The following PTPRD variants were observed in gnomAD, a reference collection of about 807,000 sequenced individuals.
PTPRD encodes protein tyrosine phosphatase receptor type D.
A neutral mutation model predicts 214.5 loss-of-function variants in PTPRD; 34 were observed. The observed-to-expected ratio is 0.16, with a 90% CI of 0.12 to 0.21. The LOEUF is 0.21. Among genes scored for constraint, PTPRD ranks in the 10% least tolerant of loss-of-function variants. The probability of loss-of-function intolerance (pLI) is 1.00; values close to 1 mark genes in which losing one functional copy is unlikely to be tolerated. For missense variants in PTPRD, 2,545 were observed against 2,398.7 expected (o/e 1.06, Z -1.27); for synonymous variants, 1,128 against 845.7 (o/e 1.33, Z -5.79).
intron 8 of PTPRD, among the ~76,000 whole-genome samples, chr9:9,569,730 T>G (rs1166359289): frequency 2.0e-5 from 3 of 151,634 alleles, no homozygotes; most frequent in African/African-American, 7.2e-5. Flanking sequence ...AATTACTTGT[T>G]CCTGACATGT....
chr9:9,947,346 A>ATATATAATATATATTATATATATTAT (rs1263631395), intron 4 of PTPRD, among the ~76,000 whole-genome samples: 1 of 43,684 alleles, frequency 2.3e-5, no homozygotes, highest in African/African-American at 1.2e-4. Context: ...TTATATATAT[A>ATATATAATATATATTATATATATTAT]ATATATATTA....
At chr9:10,222,205 C>T (rs1481809861) in intron 3 of PTPRD, among the ~76,000 whole-genome samples, 2 of 152,010 alleles carry the variant, frequency 1.3e-5, no homozygotes, top group East Asian at 3.9e-4. Context: ...TTCCTCTCAT[C>T]TGTGACAACT....
chr9:9,408,367 A>AT (rs2074266892), intron 8 of PTPRD, among the ~76,000 whole-genome samples: 1 of 151,778 alleles, frequency 6.6e-6, no homozygotes, highest in Non-Finnish European at 1.5e-5. Flanking sequence ...CACGACAAGC[A>AT]TTTTTTCCCA....
chr9:8,533,592 G>C (rs1160438753), intron 14 of PTPRD, among the ~76,000 whole-genome samples: 1 of 151,956 alleles, frequency 6.6e-6, no homozygotes, highest in Non-Finnish European at 1.5e-5. Flanking sequence ...CTGTTATCAT[G>C]AAGCATTCAT....
chr9:10,584,377 C>A (rs535376279), intron 2 of PTPRD, among the ~76,000 whole-genome samples: 3 of 152,168 alleles, frequency 2.0e-5, no homozygotes, highest in South Asian at 4.2e-4. Context: ...CTGACAATGG[C>A]ATGAAGTTAT....
At chr9:10,195,154 T>C in intron 3 of PTPRD, among the ~76,000 whole-genome samples, 1 of 149,916 alleles carries the variant, frequency 6.7e-6, no homozygotes, top group Non-Finnish European at 1.5e-5. Context: ...TTCACTATGT[T>C]GGCCAGGCTG....
At chr9:10,308,650 A>T (rs1460178245) in intron 3 of PTPRD, among the ~76,000 whole-genome samples, 1 of 151,896 alleles carries the variant, frequency 6.6e-6, no homozygotes, top group Non-Finnish European at 1.5e-5. Flanking sequence ...TTATTTTGGG[A>T]GGTATAGTCA....
At chr9:10,353,561 A>G (rs370110530) in intron 2 of PTPRD, among the ~76,000 whole-genome samples, 1 of 151,932 alleles carries the variant, frequency 6.6e-6, no homozygotes, top group African/African-American at 2.4e-5. Context: ...TATAGAGAGG[A>G]TGAGTAAAAA....
At chr9:9,890,245 T>A (rs982903452) in intron 5 of PTPRD, among the ~76,000 whole-genome samples, 42 of 151,992 alleles carry the variant, frequency 2.8e-4, no homozygotes, top group African/African-American at 1.0e-3. Flanking sequence ...TGGCCCAGGG[T>A]AGAGTGCAGT....
chr9:9,669,692 A>G (rs2096790156), intron 7 of PTPRD, among the ~76,000 whole-genome samples: 1 of 152,202 alleles, frequency 6.6e-6, no homozygotes. Context: ...AAATTTTCAT[A>G]TAATCTGGCC....
intron 4 of PTPRD, among the ~76,000 whole-genome samples, chr9:9,970,930 A>T (rs1299731611): frequency 6.6e-6 from 1 of 152,206 alleles, no homozygotes; most frequent in Non-Finnish European, 1.5e-5. Flanking sequence ...ATTGTTCTAA[A>T]TTTTAAATTT....
intron 12 of PTPRD, among the ~76,000 whole-genome samples, chr9:8,674,359 G>A (rs1317586213): frequency 1.3e-5 from 2 of 149,126 alleles, no homozygotes; most frequent in African/African-American, 4.9e-5. Flanking sequence ...TCAGGAGACT[G>A]AGGCAGGAGA....
At chr9:10,233,370 T>C (rs111563088) in intron 3 of PTPRD, among the ~76,000 whole-genome samples, 106 of 152,134 alleles carry the variant, frequency 7.0e-4, no homozygotes, top group African/African-American at 2.0e-3. Context: ...GACAGCATTA[T>C]GGAAGCCTGA....
intron 5 of PTPRD, among the ~76,000 whole-genome samples, chr9:9,785,792 C>T (rs2098918724): frequency 6.6e-6 from 1 of 152,030 alleles, no homozygotes; most frequent in African/African-American, 2.4e-5. Context: ...TTTACAATGG[C>T]TATGTCAGTT....
intron 8 of PTPRD, among the ~76,000 whole-genome samples, chr9:9,563,991 G>C (rs1307781343): frequency 6.6e-6 from 1 of 152,066 alleles, no homozygotes; most frequent in Non-Finnish European, 1.5e-5. Flanking sequence ...TGTTGGCCTA[G>C]GTTCAACTGA....
intron 11 of PTPRD, among the ~76,000 whole-genome samples, chr9:8,756,539 A>G (rs1262104767): frequency 6.6e-6 from 1 of 152,142 alleles, no homozygotes; most frequent in Admixed American, 6.6e-5. Flanking sequence ...AGTTGGCTAC[A>G]GTGTTTACTT....
chr9:9,698,954 G>A (rs1030037152), intron 7 of PTPRD, among the ~76,000 whole-genome samples: 7 of 152,012 alleles, frequency 4.6e-5, no homozygotes, highest in Non-Finnish European at 7.4e-5. Flanking sequence ...CTAGAAGTTC[G>A]GTAATTCACT....
chr9:10,023,647 G>A (rs1435472640), intron 4 of PTPRD, among the ~76,000 whole-genome samples: 1 of 149,414 alleles, frequency 6.7e-6, no homozygotes, highest in Non-Finnish European at 1.5e-5. Context: ...TAAAGTGTGA[G>A]AGTTACTACA....
chr9:10,325,142 C>A (rs538523957), intron 3 of PTPRD, among the ~76,000 whole-genome samples: 3 of 152,012 alleles, frequency 2.0e-5, no homozygotes, highest in East Asian at 1.9e-4. Context: ...GTTTATCAAA[C>A]CTTAAGTTCC....
Sources: gnomAD v4.1 joint callset for allele counts (sites outside exome capture counted in the v4.1 genomes callset) on GRCh38, gnomAD v4.1.1 for gene constraint, MANE v1.5 for transcripts, NCBI Gene and HGNC (gene_info 2026-07-23, HGNC 2026-07-21) for gene names.